Variants in SORCS2 observed in about 807,000 individuals in gnomAD.
SORCS2 encodes VPS10 domain-containing receptor SorCS2.
A neutral mutation model predicts 141.6 loss-of-function variants in SORCS2; 100 were observed. That is an observed-to-expected ratio of 0.71 (90% CI 0.60 to 0.83). SORCS2 has a LOEUF of 0.83. Ranked by LOEUF, SORCS2 falls within the 40% of genes least tolerant of loss-of-function variation. The pLI, the probability that SORCS2 is intolerant of heterozygous loss-of-function variation, is 0.00. For missense variants in SORCS2, 1,646 were observed against 1,560.2 expected, an observed-to-expected ratio of 1.05 and a Z score of -0.93; for synonymous variants, 789 against 676.9, an observed-to-expected ratio of 1.17 and a Z score of -2.57.
Position 7,648,134 on chromosome 4 carries a change from G to A in SORCS2, c.814-6000G>A, listed in dbSNP as rs11941716. Among the ~76,000 whole-genome samples, 15,908 of 152,116 alleles carry A rather than the reference G, an allele frequency of 0.1. 1,127 individuals carry two copies. The highest frequency in any genetic ancestry group is 0.19 in the Middle Eastern group (56 of 294). ...GGGTGGCGGGCACCTCTGGGATTGT[G>A]GTTGCAGGACCTGGTGGATGGTGGG... On this transcript the variant is annotated intron_variant, in intron 4 of 26. Transcript: ENST00000507866. This position sits in a 1 kb window ranked among gnomAD's most constrained non-coding sequence, Gnocchi z 4.2.
At chr4:7,361,776 A>C (rs1244354242) in intron 1 of SORCS2, among the ~76,000 whole-genome samples, 2 of 151,834 alleles carry the variant, frequency 1.3e-5, no homozygotes, top group Admixed American at 6.6e-5. Context: ...GAAAAAAAAA[A>C]ACACAACGAA....
At chr4:7,260,501 G>A (rs778215978) in intron 1 of SORCS2, among the ~76,000 whole-genome samples, 16 of 152,242 alleles carry the variant, frequency 1.1e-4, no homozygotes, top group Non-Finnish European at 2.1e-4. Flanking sequence ...CTGACTCTGG[G>A]CCAGTGGGCT....
chr4:7,426,226 G>A (rs908963649), intron 2 of SORCS2, among the ~76,000 whole-genome samples: 7 of 150,210 alleles, frequency 4.7e-5, no homozygotes, highest in African/African-American at 1.5e-4. Flanking sequence ...GAAGCCCTGG[G>A]TCTGCTGTTC....
chr4:7,198,308 G>A (rs767754814), intron 1 of SORCS2, among the ~76,000 whole-genome samples: 16 of 152,162 alleles, frequency 1.1e-4, no homozygotes, highest in African/African-American at 4.8e-5. Context: ...TTAAATGAAC[G>A]GGTTCAAATC....
chr4:7,732,965 C>A (rs1270580204), intron 23 of SORCS2, among the ~76,000 whole-genome samples: 2 of 151,786 alleles, frequency 1.3e-5, no homozygotes, highest in Non-Finnish European at 2.9e-5. Flanking sequence ...TCCCATCCCC[C>A]TCTGGTGGAT....
At chr4:7,612,309 C>T (rs2108811617) in intron 3 of SORCS2, among the ~76,000 whole-genome samples, 1 of 152,226 alleles carries the variant, frequency 6.6e-6, no homozygotes, top group East Asian at 1.9e-4. Flanking sequence ...AGGAGAAGGG[C>T]ATGGAGACAG....
At chr4:7,256,836 C>T (rs1032094027) in intron 1 of SORCS2, among the ~76,000 whole-genome samples, 41 of 152,054 alleles carry the variant, frequency 2.7e-4, no homozygotes, top group African/African-American at 9.2e-4. Flanking sequence ...GTGGGGAGCT[C>T]GGTCTGGCAG....
At chr4:7,345,244 T>C (rs535460150) in intron 1 of SORCS2, among the ~76,000 whole-genome samples, 1 of 152,244 alleles carries the variant, frequency 6.6e-6, no homozygotes, top group South Asian at 2.1e-4. Flanking sequence ...TTAAAACTTC[T>C]TAATGTTGGG....
intron 1 of SORCS2, among the ~76,000 whole-genome samples, chr4:7,284,077 C>G (rs911297426): frequency 5.9e-5 from 9 of 152,170 alleles, no homozygotes; most frequent in African/African-American, 1.7e-4. Context: ...ATCACAAAGT[C>G]AGAGGATCAG....
chr4:7,467,818 G>C (rs942750176), intron 2 of SORCS2, among the ~76,000 whole-genome samples: 10 of 152,208 alleles, frequency 6.6e-5, no homozygotes, highest in Non-Finnish European at 1.5e-4. Flanking sequence ...CCCGCACAAG[G>C]GTTCCTCTGC....
intron 3 of SORCS2, among the ~76,000 whole-genome samples, chr4:7,577,819 C>T (rs561909345): frequency 6.5e-5 from 9 of 139,122 alleles, no homozygotes; most frequent in East Asian, 2.2e-4. Flanking sequence ...AGCATACAGG[C>T]GAAGTCAGCT....
chr4:7,609,280 A>C (rs1188245989), intron 3 of SORCS2, among the ~76,000 whole-genome samples: 2 of 152,142 alleles, frequency 1.3e-5, no homozygotes, highest in Non-Finnish European at 2.9e-5. Flanking sequence ...CATTGGTTAA[A>C]ATCTTTCAGT....
At chr4:7,723,962 GC>G in intron 19 of SORCS2, 79 bp downstream of exon 19, 1 of 1,448,176 alleles carries the variant, frequency 6.9e-7, no homozygotes, top group Non-Finnish European at 9.1e-7. Context: ...ACACAGGGAA[GC>G]CCCCGGGATT....
chr4:7,331,650 C>T (rs749032043), intron 1 of SORCS2, among the ~76,000 whole-genome samples: 6 of 152,262 alleles, frequency 3.9e-5, no homozygotes, highest in Admixed American at 1.3e-4. Flanking sequence ...TCCACCCACG[C>T]CCCCGGGGAT....
intron 9 of SORCS2, among the ~76,000 whole-genome samples, chr4:7,679,195 C>T (rs1173157512): frequency 1.3e-5 from 2 of 152,126 alleles, no homozygotes; most frequent in Non-Finnish European, 2.9e-5. Flanking sequence ...GGTCTCTCCC[C>T]CAGCAGGGCA....
chr4:7,659,948 C>A (rs1454186363), intron 5 of SORCS2, among the ~76,000 whole-genome samples: 2 of 152,240 alleles, frequency 1.3e-5, no homozygotes, highest in African/African-American at 2.4e-5. Flanking sequence ...GGATCTTGCT[C>A]TACTAGCTTT....
At chr4:7,681,409 G>C (rs1022112459) in intron 9 of SORCS2, among the ~76,000 whole-genome samples, 8 of 152,218 alleles carry the variant, frequency 5.3e-5, no homozygotes, top group Non-Finnish European at 1.0e-4. Context: ...CACGGTCAGA[G>C]AGATGCAGCG....
At chr4:7,208,925 G>C (rs192606580) in intron 1 of SORCS2, among the ~76,000 whole-genome samples, 1 of 152,178 alleles carries the variant, frequency 6.6e-6, no homozygotes, top group South Asian at 2.1e-4. Context: ...GGTGGGCAGC[G>C]TGTGGAGGGC....
chr4:7,402,794 A>G (rs1009660404), intron 2 of SORCS2, among the ~76,000 whole-genome samples: 1 of 151,400 alleles, frequency 6.6e-6, no homozygotes, highest in Non-Finnish European at 1.5e-5. Context: ...GTTATTTTGC[A>G]TCTCCCTCAT....
Sources: gnomAD v4.1 joint callset for allele counts (sites outside exome capture counted in the v4.1 genomes callset) on GRCh38, gnomAD v4.1.1 for gene constraint, Gnocchi (gnomAD v3.1) non-coding constraint, MANE v1.5 for transcripts, NCBI Gene and HGNC (gene_info 2026-07-23, HGNC 2026-07-21) for gene names.